OTUD7A: variants seen among roughly 807,000 people sequenced by gnomAD.
OTUD7A encodes the protein OTU domain-containing protein 7A.
Under a neutral mutation model 65.7 loss-of-function variants are expected in OTUD7A, and 12 were observed. The ratio of observed to expected loss-of-function variants is 0.18; its 90% confidence interval spans 0.12 to 0.30. OTUD7A has a LOEUF of 0.30. Ranked by LOEUF, OTUD7A falls within the 10% of genes least tolerant of loss-of-function variation. The pLI is 1.00. For missense variants in OTUD7A, 1,148 were observed against 1,304.8 expected, an observed-to-expected ratio of 0.88 and a Z score of 1.85; for synonymous variants, 641 against 586.3, an observed-to-expected ratio of 1.09 and a Z score of -1.35.
intron 1 of OTUD7A, among the ~76,000 whole-genome samples, chr15:31,820,126 G>A (rs886364460): frequency 3.3e-5 from 5 of 152,104 alleles, no homozygotes; most frequent in African/African-American, 1.2e-4. Flanking sequence ...ATCACAGGAA[G>A]CAACAATGGA....
At position 31,777,972 on chromosome 15, in the gene OTUD7A, G is replaced by A. The variant is rs117224737; in HGVS notation, c.-100+92535C>T. Among the ~76,000 whole-genome samples, 45 of 152,306 alleles carry A rather than the reference G, an allele frequency of 3.0e-4. No individual in the cohort carries two copies. In the East Asian group the frequency reaches 7.9e-3, roughly 27 times the overall value. ...ACAGGTGGAAATGATGGGCTGATGG[G>A]AGGAAATGGAGCGGCTCTTAGACAC... On this transcript the variant is annotated intron_variant, in intron 1 of 12. Coordinates refer to ENST00000307050, the MANE Select transcript of OTUD7A (RefSeq NM_001382637.1).
intron 1 of OTUD7A, among the ~76,000 whole-genome samples, chr15:31,861,378 A>G (rs1266070887): frequency 1.3e-5 from 2 of 152,144 alleles, no homozygotes; most frequent in South Asian, 2.1e-4. Context: ...TAAACCATAC[A>G]TGCTAAGCAG....
Position 31,570,073 on chromosome 15 carries a change from C to G in OTUD7A, c.276G>C (p.Gln92His). 1.2e-6 allele frequency: 2 copies of G among 1,614,212 alleles called. No individual in the cohort carries two copies. Among genetic ancestry groups the G allele is most frequent in the South Asian group, 2.2e-5 (2 of 91,080 alleles). The change falls in exon 4 of 13, where the codon CAG becomes CAC. Residue 92 changes from glutamine to histidine, a missense_variant. Transcript: ENST00000307050. ...AGGGTCGCTCCACCTTGTGCCCGGG[C>G]TGTGGCTCTCGCTCTGGCTGCTTGG... Reference protein sequence around the residue: ...RGPKQPEREPQPGHKVERPCL... With the variant: ...RGPKQPEREPHPGHKVERPCL...
chr15:31,695,877 C>CT (rs1457881933), intron 1 of OTUD7A, among the ~76,000 whole-genome samples: 1 of 150,462 alleles, frequency 6.6e-6, no homozygotes, highest in African/African-American at 2.4e-5. Flanking sequence ...CTGGTGTTTG[C>CT]TGAGGGCCTA....
In OTUD7A at chr15:31,501,620, T is replaced by C. The variant is rs911542789; in HGVS notation, c.1171+70A>G. The C allele has an allele frequency of 3.8e-6, 6 of 1,591,332 alleles. No homozygotes were observed. In the African/African-American group the frequency reaches 6.7e-5, roughly 18 times the overall value. On this transcript the variant is annotated intron_variant, in intron 10 of 12. Transcript: ENST00000307050. Reference sequence around the variant, plus strand: ...CTCCACAATCCACCTCCCCGTGCAATGGGGTCCCTTCTGATGGCTCTGCCC... The same window carrying C: ...CTCCACAATCCACCTCCCCGTGCAACGGGGTCCCTTCTGATGGCTCTGCCC...
At chr15:31,632,116 G>T (rs911667665) in intron 3 of OTUD7A, among the ~76,000 whole-genome samples, 4 of 152,156 alleles carry the variant, frequency 2.6e-5, no homozygotes, top group African/African-American at 9.7e-5. Flanking sequence ...GTCCAGCTTT[G>T]TTCCGTTGCT....
chr15:31,494,744 C>G (rs907300000), intron 10 of OTUD7A, among the ~76,000 whole-genome samples: 1 of 152,190 alleles, frequency 6.6e-6, no homozygotes, highest in Non-Finnish European at 1.5e-5. Context: ...CAGGATGTCA[C>G]CCTGGCCCAC....
chr15:31,697,428 C>T (rs1371720519), intron 1 of OTUD7A, among the ~76,000 whole-genome samples: 1 of 142,244 alleles, frequency 7.0e-6, no homozygotes, highest in Non-Finnish European at 1.5e-5. Flanking sequence ...TCTTGCTAGG[C>T]TGCTATCCCA....
intron 3 of OTUD7A, among the ~76,000 whole-genome samples, chr15:31,576,072 C>A (rs1444083883): frequency 6.6e-6 from 1 of 152,156 alleles, no homozygotes; most frequent in African/African-American, 2.4e-5. Context: ...GGGTGTCAGG[C>A]AAACCTGCCT....
intron 1 of OTUD7A, among the ~76,000 whole-genome samples, chr15:31,712,043 C>G (rs537954055): frequency 4.0e-5 from 6 of 151,722 alleles, no homozygotes; most frequent in Non-Finnish European, 5.9e-5. Context: ...TCCCCTCACA[C>G]AAGAGTGACC....
At chr15:31,847,283 G>A (rs1168302210) in intron 1 of OTUD7A, among the ~76,000 whole-genome samples, 1 of 152,200 alleles carries the variant, frequency 6.6e-6, no homozygotes, top group African/African-American at 2.4e-5. Flanking sequence ...CTAGAGCCAG[G>A]CCACTGTGCA....
rs1402338176 is a variant in OTUD7A at position 31,559,278 on chromosome 15, TAC to T, written c.332-93_332-92del. On this transcript the variant is annotated intron_variant, in intron 4 of 12. Transcript: ENST00000307050. ...AAACACACATACTATGCACACACAA[TAC>T]ACACACACAGGTACACATTCATGCA... The T allele has an allele frequency of 7.1e-5, 85 of 1,199,528 alleles. No homozygotes were observed. In the Middle Eastern group the frequency reaches 9.6e-4, roughly 14 times the overall value. The allele number at this position is 1,199,528 out of a possible 1,614,324, so 74.3% of individuals were successfully genotyped here.
Position 31,526,449 on chromosome 15 carries a change from A to C in OTUD7A, c.793T>G (p.Tyr265Asp). Residue 265 changes from tyrosine (Y) to aspartate (D), a missense_variant, in exon 8 of 13, where the codon TAC (tyrosine) becomes GAC (aspartate). By Grantham distance (160) the Tyr-to-Asp change is radical. Around this residue, in one of 6 missense-constraint regions of OTUD7A, gnomAD observed 134 missense variants for 252.6 expected, o/e 0.53. Transcript: ENST00000307050. ...TCCCGCTCCCACTCCTCCTCTGTGTACACCAGCCCTGACTGGCAGAGGGGA... is the reference window on the plus strand; with the variant it reads ...TCCCGCTCCCACTCCTCCTCTGTGTCCACCAGCCCTGACTGGCAGAGGGGA... ...TQQNKESGLV[Y>D]TEEEWEREWT... 6.3e-7 allele frequency: 1 copy of C among 1,597,050 alleles called. No individual in the cohort carries two copies. Among genetic ancestry groups the C allele is most frequent in the South Asian group, 1.1e-5 (1 of 89,248 alleles).
chr15:31,740,289 G>C (rs1252551562), intron 1 of OTUD7A, among the ~76,000 whole-genome samples: 12 of 152,162 alleles, frequency 7.9e-5, no homozygotes, highest in African/African-American at 1.4e-4. Flanking sequence ...GAGGCCTCTC[G>C]GGTTGCCGGA....
chr15:31,846,269 A>G (rs972871855), intron 1 of OTUD7A, among the ~76,000 whole-genome samples: 2 of 152,174 alleles, frequency 1.3e-5, no homozygotes, highest in Non-Finnish European at 2.9e-5. Context: ...CCAGATGGGT[A>G]AGTTGGCCCA....
intron 3 of OTUD7A, among the ~76,000 whole-genome samples, chr15:31,572,787 CAG>C (rs1032019193): frequency 2.6e-5 from 4 of 152,002 alleles, no homozygotes; most frequent in Non-Finnish European, 4.4e-5. Context: ...AAAGAGAAAA[CAG>C]ACTGCAGATA....
intron 1 of OTUD7A, among the ~76,000 whole-genome samples, chr15:31,658,749 C>T (rs1212843721): frequency 6.6e-6 from 1 of 151,742 alleles, no homozygotes; most frequent in African/African-American, 2.4e-5. Flanking sequence ...CTGTTTTGGC[C>T]AGGTGCGGTG....
At chr15:31,548,406 T>C (rs1888206921) in intron 5 of OTUD7A, among the ~76,000 whole-genome samples, 1 of 152,258 alleles carries the variant, frequency 6.6e-6, no homozygotes, top group East Asian at 1.9e-4. Context: ...AATCATGCAA[T>C]TCATATTTGG....
At chr15:31,610,617 A>ATATATATATATTTTTTTTTTTTTT in intron 3 of OTUD7A, among the ~76,000 whole-genome samples, 2 of 30,556 alleles carry the variant, frequency 6.5e-5, no homozygotes, top group Non-Finnish European at 9.8e-5. Flanking sequence ...ATATATATAT[A>ATATATATATATTTTTTTTTTTTTT]TTTTTTTTTT....
Sources: gnomAD v4.1 joint callset for allele counts (sites outside exome capture counted in the v4.1 genomes callset) on GRCh38, gnomAD v4.1.1 for gene constraint, gnomAD v4.1.1 regional missense constraint, MANE v1.5 for transcripts, NCBI Gene and HGNC (gene_info 2026-07-23, HGNC 2026-07-21) for gene names.